Variants in NFKB1 observed in about 807,000 individuals in gnomAD.
The protein encoded by NFKB1 is nuclear factor NF-kappa-B p105 subunit.
Under a neutral mutation model 105.1 loss-of-function variants are expected in NFKB1, and 9 were observed. The observed-to-expected ratio is 0.09, with a 90% CI of 0.05 to 0.15. NFKB1 has a LOEUF of 0.15. NFKB1 is among the 10% of genes least tolerant of loss of function. The probability of loss-of-function intolerance (pLI) is 1.00; values close to 1 mark genes in which losing one functional copy is unlikely to be tolerated. For synonymous variants in NFKB1, 440 were observed against 442.2 expected, an observed-to-expected ratio of 1.00 and a Z score of 0.06; for missense variants, 830 against 1,203.7, an observed-to-expected ratio of 0.69 and a Z score of 4.59.
At chr4:102,524,244 T>C (rs1436449368) in intron 1 of NFKB1, among the ~76,000 whole-genome samples, 4 of 152,182 alleles carry the variant, frequency 2.6e-5, no homozygotes, top group African/African-American at 9.6e-5. Context: ...GACCATGTGG[T>C]TCCTTGCTTC....
intron 10 of NFKB1, 100 bp from the exon 11 acceptor site, chr4:102,584,582 T>A: frequency 8.3e-7 from 1 of 1,201,904 alleles, no homozygotes; most frequent in Non-Finnish European, 1.1e-6. Context: ...AAACATTGGG[T>A]ATAAAGAAAA....
intron 17 of NFKB1, 110 bp downstream of exon 17, chr4:102,606,807 G>C: frequency 8.8e-7 from 1 of 1,131,614 alleles, no homozygotes; most frequent in Non-Finnish European, 1.3e-6. Context: ...GCTTTCCTTA[G>C]TCACCTGGAG....
At chr4:102,552,209 A>T (rs1722672028) in intron 5 of NFKB1, among the ~76,000 whole-genome samples, 1 of 152,208 alleles carries the variant, frequency 6.6e-6, no homozygotes, top group Non-Finnish European at 1.5e-5. Flanking sequence ...TGGTGAGAGA[A>T]CTCAAACTTC....
chr4:102,586,432 G>C (rs1725718688), intron 11 of NFKB1, among the ~76,000 whole-genome samples: 1 of 152,140 alleles, frequency 6.6e-6, no homozygotes, highest in South Asian at 2.1e-4. Context: ...TAAGTTCTTA[G>C]TAGGCAGATC....
chr4:102,508,054 CTA>C (rs1295079344), intron 1 of NFKB1, among the ~76,000 whole-genome samples: 1 of 152,122 alleles, frequency 6.6e-6, no homozygotes, highest in African/African-American at 2.4e-5. Context: ...GAGAAAATAA[CTA>C]TTTTTGGATG....
intron 1 of NFKB1, among the ~76,000 whole-genome samples, chr4:102,521,764 G>A (rs988253413): frequency 3.9e-5 from 6 of 152,092 alleles, no homozygotes; most frequent in East Asian, 1.9e-4. Flanking sequence ...CTACACTTTG[G>A]TGTTAGTGGG....
intron 1 of NFKB1, among the ~76,000 whole-genome samples, chr4:102,524,833 C>A (rs2149112362): frequency 6.6e-6 from 1 of 152,230 alleles, no homozygotes; most frequent in Non-Finnish European, 1.5e-5. Context: ...GAATCTAATG[C>A]CACTGCTGAT....
intron 16 of NFKB1, among the ~76,000 whole-genome samples, chr4:102,604,536 T>C (rs1179948800): frequency 1.3e-5 from 2 of 152,088 alleles, no homozygotes; most frequent in Non-Finnish European, 2.9e-5. Context: ...CATATATTTT[T>C]TAAATGCCTA....
intron 5 of NFKB1, among the ~76,000 whole-genome samples, chr4:102,539,555 C>T (rs922292265): frequency 3.9e-5 from 6 of 152,140 alleles, no homozygotes; most frequent in African/African-American, 1.4e-4. Context: ...AAGCAGACCA[C>T]GGTCTTATGG....
At chr4:102,590,660 G>A (rs1387181951) in intron 11 of NFKB1, among the ~76,000 whole-genome samples, 1 of 152,140 alleles carries the variant, frequency 6.6e-6, no homozygotes, top group Non-Finnish European at 1.5e-5. Context: ...TGTTCTGACT[G>A]CTCTACTGAC....
Position 102,607,214 on chromosome 4 carries a change from C to T in NFKB1, c.2019C>T (p.Ala673=), listed in dbSNP as rs753633763. 8.8e-5 allele frequency: 142 copies of T among 1,614,008 alleles called. No individual in the cohort carries two copies. Among genetic ancestry groups the T allele is most frequent in the South Asian group, 2.3e-4 (21 of 91,088 alleles). ...NSLPCLLLLV[A]AGADVNAQEQ... ...TGCCATGTTTGCTGCTGCTGGTGGC[C>T]GCTGGGGCTGACGTCAATGCTCAGG... The change falls in exon 18 of 24, where the codon GCC becomes GCT. Residue 673 remains alanine (A), a synonymous_variant. Coordinates refer to ENST00000226574, the MANE Select transcript of NFKB1 (RefSeq NM_003998.4).
intron 15 of NFKB1, among the ~76,000 whole-genome samples, chr4:102,598,959 G>A (rs1190504773): frequency 1.3e-5 from 2 of 152,290 alleles, no homozygotes; most frequent in African/African-American, 2.4e-5. Flanking sequence ...TAAGAGCATA[G>A]GTATAGGGCA....
intron 16 of NFKB1, 58 bp from the exon 17 acceptor site, chr4:102,606,437 TG>T: frequency 6.6e-7 from 1 of 1,512,278 alleles, no homozygotes; most frequent in Non-Finnish European, 9.2e-7. Flanking sequence ...TACCAAGCTG[TG>T]AGTTGTAAGT....
chr4:102,616,822 G>A lies in NFKB1; in HGVS notation c.*228G>A. On this transcript the variant is annotated 3_prime_UTR_variant, in exon 24 of 24. Transcript: ENST00000226574. ...ATCTAGCAATCACAACACTGGCTGAGCGGATGCATCTGGGGATGAGGTTGC... is the reference window on the plus strand; with the variant it reads ...ATCTAGCAATCACAACACTGGCTGAACGGATGCATCTGGGGATGAGGTTGC... The A allele has an allele frequency of 2.4e-6, 1 of 416,458 alleles. No individual in the cohort carries two copies. The highest frequency in any genetic ancestry group is 4.4e-6 in the Non-Finnish European group (1 of 229,248). 25.8% of individuals were successfully genotyped at this position (416,458 alleles called of 1,614,324 possible).
rs922096959 is a variant in NFKB1, at chr4:102,501,784, C to T, written c.-12C>T. Reference sequence around the variant, plus strand: ...CAGGAGGCCGAACGCGGACTCGCCACCCGGGTAAGCCAAACTCGGGCGAGT... The same window carrying T: ...CAGGAGGCCGAACGCGGACTCGCCATCCGGGTAAGCCAAACTCGGGCGAGT... On this transcript the variant is annotated 5_prime_UTR_variant, in exon 1 of 24. Transcript: ENST00000226574. 1.3e-5 allele frequency: 2 copies of T among 152,298 alleles called. No individual in the cohort carries two copies. Among genetic ancestry groups the T allele is most frequent in the Admixed American group, 1.3e-4 (2 of 15,280 alleles). The allele number at this position is 152,298 out of a possible 1,614,324, so 9.4% of individuals were successfully genotyped here. A position where few individuals can be genotyped will look rare whatever the true frequency, so the allele number is the denominator to read the frequency against.
intron 19 of NFKB1, among the ~76,000 whole-genome samples, chr4:102,609,524 A>G (rs1373903743): frequency 1.3e-5 from 2 of 150,490 alleles, no homozygotes; most frequent in African/African-American, 4.9e-5. Flanking sequence ...AGGAAGGAGA[A>G]TAACTTGAGC....
At chr4:102,540,372 C>T (rs189851492) in intron 5 of NFKB1, among the ~76,000 whole-genome samples, 105 of 152,284 alleles carry the variant, frequency 6.9e-4, no homozygotes, top group Non-Finnish European at 1.3e-3. Flanking sequence ...ATTGCTGCCT[C>T]AGTCACAAAA....
chr4:102,616,744 G>A lies in NFKB1; in HGVS notation c.*150G>A. 1.3e-6 allele frequency: 1 copy of A among 775,060 alleles called. No individual in the cohort carries two copies. The highest frequency in any genetic ancestry group is 2.0e-6 in the Non-Finnish European group (1 of 504,598). The allele number at this position is 775,060 out of a possible 1,614,324, so 48.0% of individuals were successfully genotyped here. A position where few individuals can be genotyped will look rare whatever the true frequency, so the allele number is the denominator to read the frequency against. On this transcript the variant is annotated 3_prime_UTR_variant, in exon 24 of 24. Transcript: ENST00000226574. The stretch of plus-strand genomic sequence containing the variant: ...TTTAACTCGAGACCTTTTCAACTTG[G>A]CTTCCTTTCTTGGTTCATAAATGAA...
chr4:102,602,611 A>G (rs1578819584), intron 16 of NFKB1, among the ~76,000 whole-genome samples: 1 of 151,982 alleles, frequency 6.6e-6, no homozygotes, highest in Non-Finnish European at 1.5e-5. Flanking sequence ...TGTGGCTCTT[A>G]ATAGTTTTTA....
Sources: gnomAD v4.1 joint callset for allele counts (sites outside exome capture counted in the v4.1 genomes callset) on GRCh38, gnomAD v4.1.1 for gene constraint, MANE v1.5 for transcripts, NCBI Gene and HGNC (gene_info 2026-07-23, HGNC 2026-07-21) for gene names.